The following MPDZ variants were observed in gnomAD, a reference collection of about 807,000 sequenced individuals.
The protein encoded by MPDZ is multiple PDZ domain crumbs cell polarity complex component.
In MPDZ, 234 loss-of-function variants were observed where a neutral mutation model predicts 239.1. The ratio of observed to expected loss-of-function variants is 0.98; its 90% CI spans 0.88 to 1.09. The LOEUF (loss-of-function observed/expected upper bound fraction) is 1.09. Ranked by LOEUF, MPDZ falls within the 50% of genes least tolerant of loss-of-function variation. The pLI is 0.00. For missense variants in MPDZ, 3,175 were observed against 2,510.0 expected (o/e 1.26, Z -5.66); for synonymous variants, 1,048 against 881.3 (o/e 1.19, Z -3.35).
At chr9:13,270,621 T>A (rs1972747883) in intron 1 of MPDZ, among the ~76,000 whole-genome samples, 1 of 151,904 alleles carries the variant, frequency 6.6e-6, no homozygotes, top group African/African-American at 2.4e-5. Flanking sequence ...TTTGAAAGAA[T>A]AATTTGAAGA....
chr9:13,168,128 G>A (rs1371109929), intron 22 of MPDZ, among the ~76,000 whole-genome samples: 2 of 152,090 alleles, frequency 1.3e-5, no homozygotes, highest in East Asian at 1.9e-4. Context: ...GAAATCACTG[G>A]AGAAGTATAA....
chr9:13,263,230 T>C (rs1281162852), intron 1 of MPDZ, among the ~76,000 whole-genome samples: 1 of 152,128 alleles, frequency 6.6e-6, no homozygotes, highest in Non-Finnish European at 1.5e-5. Context: ...GAATGATGGA[T>C]ATATGAGGAT....
intron 3 of MPDZ, among the ~76,000 whole-genome samples, chr9:13,232,628 G>GA (rs373979742): frequency 7.8e-5 from 11 of 141,026 alleles, no homozygotes; most frequent in African/African-American, 2.1e-4. Context: ...GGGCAAAAAA[G>GA]AAAAAAAAAG....
chr9:13,277,818 G>C (rs928029389), intron 1 of MPDZ, among the ~76,000 whole-genome samples: 1 of 152,152 alleles, frequency 6.6e-6, no homozygotes, highest in Non-Finnish European at 1.5e-5. Flanking sequence ...ACCCACCTCG[G>C]TCTCCCAAAG....
At chr9:13,154,547 A>G (rs1464928472) in intron 24 of MPDZ, among the ~76,000 whole-genome samples, 1 of 152,106 alleles carries the variant, frequency 6.6e-6, no homozygotes, top group Non-Finnish European at 1.5e-5. Flanking sequence ...AATACAGCCA[A>G]CAAGAGTCTC....
chr9:13,193,420 C>A, intron 13 of MPDZ, 107 bp from the exon 14 acceptor site: 6 of 1,240,866 alleles, frequency 4.8e-6, no homozygotes, highest in Non-Finnish European at 6.4e-6. Context: ...ATCTTTCTCA[C>A]AAAGCTTCAA....
At chr9:13,229,147 G>C (rs1057438127) in intron 3 of MPDZ, among the ~76,000 whole-genome samples, 1 of 152,076 alleles carries the variant, frequency 6.6e-6, no homozygotes, top group Non-Finnish European at 1.5e-5. Flanking sequence ...AACTGTATCA[G>C]AGTAACCTTT....
intron 12 of MPDZ, among the ~76,000 whole-genome samples, chr9:13,204,688 A>G (rs1051977234): frequency 1.3e-5 from 2 of 152,138 alleles, no homozygotes; most frequent in African/African-American, 4.8e-5. Flanking sequence ...TATTACTGTT[A>G]GTTTATGTTG....
At chr9:13,208,718 A>G (rs1957274843) in intron 10 of MPDZ, among the ~76,000 whole-genome samples, 1 of 150,832 alleles carries the variant, frequency 6.6e-6, no homozygotes, top group African/African-American at 2.4e-5. Flanking sequence ...TATAGTGAGG[A>G]AGAAAGAGGG....
chr9:13,253,258 C>A lies in MPDZ; in HGVS notation c.-57-2886G>T, dbSNP rs1968584519. Among the ~76,000 whole-genome samples the A allele has an allele frequency of 2.7e-5, 4 of 148,086 alleles. No homozygotes were observed. The South Asian group carries it at 8.4e-4, about 31-fold the overall frequency. On this transcript the variant is annotated intron_variant, in intron 1 of 46. Transcript: ENST00000319217. Reference sequence around the variant, plus strand: ...AAAAAAGCCCCCAGATGAGAGAGCTCTACTCTTTTGTATTTCAATGACTTT... The same window carrying A: ...AAAAAAGCCCCCAGATGAGAGAGCTATACTCTTTTGTATTTCAATGACTTT...
At position 13,189,005 on chromosome 9, in the gene MPDZ, C is replaced by A. The variant is rs757244790; in HGVS notation, c.2155-12G>T. The A allele has an allele frequency of 1.9e-6, 3 of 1,605,750 alleles. No homozygotes were observed. The South Asian group carries it at 3.3e-5, about 18-fold the overall frequency. ...GGATCAATTGGATCCTGACAGAAGG[C>A]AAAAGGAAAGAGTCAGCTCATTTTA... On this transcript the variant is annotated splice_polypyrimidine_tract_variant and intron_variant, in intron 16 of 46. Transcript: ENST00000319217.
chr9:13,248,976 C>CAAAAAAAAAAAAAAAAAAAAAAAAAA lies in MPDZ; in HGVS notation c.17-1201_17-1176dup, dbSNP rs71331534. Among the ~76,000 whole-genome samples the CAAAAAAAAAAAAAAAAAAAAAAAAAA allele has an allele frequency of 1.7e-4, 6 of 35,820 alleles. 1 individual carries two copies. The highest frequency in any genetic ancestry group is 3.1e-4 in the Non-Finnish European group (6 of 19,568). The allele number at this position is 35,820 out of a possible 152,430, so 23.5% of individuals were successfully genotyped here. ...CGACAGAGTGAGTGAGACTCCATCT[C>CAAAAAAAAAAAAAAAAAAAAAAAAAA]AAAAAAAAAAAAAAAAAAAAAAAAA... On this transcript the variant is annotated intron_variant, in intron 2 of 46. Coordinates refer to ENST00000319217, the MANE Select transcript of MPDZ (RefSeq NM_001378778.1).
chr9:13,196,026 C>T (rs1955600056), intron 13 of MPDZ, 95 bp downstream of exon 13: 8 of 780,296 alleles, frequency 1.0e-5, no homozygotes, highest in Non-Finnish European at 1.6e-5. Context: ...TTTGATTCTT[C>T]TCTGGAACTC....
intron 17 of MPDZ, among the ~76,000 whole-genome samples, chr9:13,188,512 CATCAATCA>C (rs555300354): frequency 1.4e-3 from 212 of 151,930 alleles, no homozygotes; most frequent in Non-Finnish European, 1.4e-3. Flanking sequence ...AGCAAGGCTC[CATCAATCA>C]ATCAATCAAT....
intron 34 of MPDZ, 135 bp downstream of exon 34, chr9:13,126,381 A>G (rs1945117233): frequency 3.7e-6 from 2 of 535,464 alleles, no homozygotes; most frequent in East Asian, 6.4e-5. Context: ...GAACTTCTGA[A>G]CAATCTCTTC....
rs1044739001 is a variant in MPDZ, at chr9:13,176,159, C to T, written c.2908G>A (p.Val970Met). The T allele has an allele frequency of 1.2e-5, 20 of 1,600,874 alleles. No individual in the cohort carries two copies. The African/African-American group carries it at 1.9e-4, about 15-fold the overall frequency. ...EVISSAELPS[V>M]LPDSAGKGSE... Reference sequence around the variant, plus strand: ...ACCTTTCCAGCTGAATCGGGTAGCACAGAAGGAAGTTCTGCACTTGATATA... The same window carrying T: ...ACCTTTCCAGCTGAATCGGGTAGCATAGAAGGAAGTTCTGCACTTGATATA... The change falls in exon 20 of 47, where the codon GTG becomes ATG. Residue 970 changes from valine to methionine, a missense_variant. Val to Met is a conservative substitution (Grantham distance 21). Transcript: ENST00000319217.
intron 39 of MPDZ, among the ~76,000 whole-genome samples, chr9:13,117,551 A>G (rs1943668455): frequency 6.7e-6 from 1 of 150,350 alleles, no homozygotes; most frequent in South Asian, 2.1e-4. Context: ...AAAAGGTGTC[A>G]TGAACATCCT....
At chr9:13,186,481 G>A (rs1241839905) in intron 17 of MPDZ, 95 bp from the exon 18 acceptor site, 1 of 817,942 alleles carries the variant, frequency 1.2e-6, no homozygotes, top group East Asian at 2.7e-5. Context: ...AGTGAGGGGG[G>A]CGAGAAGAGA....
At chr9:13,249,400 T>TAC (rs1967287327) in intron 2 of MPDZ, among the ~76,000 whole-genome samples, 1 of 152,184 alleles carries the variant, frequency 6.6e-6, no homozygotes, top group Admixed American at 6.5e-5. Flanking sequence ...TAGTAGTCTT[T>TAC]ACAGCATGTG....
Sources: allele counts gnomAD v4.1 joint callset (sites outside exome capture counted in the v4.1 genomes callset), GRCh38; gene constraint gnomAD v4.1.1; transcripts MANE v1.5; gene names NCBI Gene and HGNC (gene_info 2026-07-23, HGNC 2026-07-21).